LIN52: variants seen among roughly 807,000 people sequenced by gnomAD.
LIN52 encodes protein lin-52 homolog.
In LIN52, 4 loss-of-function variants were observed where a neutral mutation model predicts 18.5. The observed-to-expected ratio is 0.22, with a 90% CI of 0.11 to 0.49. LIN52 has a LOEUF of 0.49. Ranked by LOEUF, LIN52 falls within the 20% of genes least tolerant of loss-of-function variation. The probability of loss-of-function intolerance (pLI) is 0.97; values close to 1 mark genes in which losing one functional copy is unlikely to be tolerated. For synonymous variants in LIN52, 34 were observed against 45.5 expected (o/e 0.75, Z 1.02); for missense variants, 102 against 139.5 (o/e 0.73, Z 1.35).
chr14:74,130,278 G>GTTTGTTTGTTTTTTTTTTTTTTTTTTTT (rs1555382571), intron 5 of LIN52, among the ~76,000 whole-genome samples: 5 of 64,824 alleles, frequency 7.7e-5, no homozygotes, highest in African/African-American at 3.1e-4. Flanking sequence ...GCATTTTTTG[G>GTTTGTTTGTTTTTTTTTTTTTTTTTTTT]TTTTTTTTTT....
intron 5 of LIN52, among the ~76,000 whole-genome samples, chr14:74,191,812 T>G (rs764834612): frequency 6.6e-6 from 1 of 152,032 alleles, no homozygotes; most frequent in Non-Finnish European, 1.5e-5. Context: ...TTTTTTTGTA[T>G]TTTTAGTAGA....
chr14:74,187,524 T>C lies in LIN52; in HGVS notation c.284-11398T>C, dbSNP rs577223181. Among the ~76,000 whole-genome samples, 13 of 152,358 alleles carry C rather than the reference T, an allele frequency of 8.5e-5. 3 individuals are homozygous for C. The Middle Eastern group carries it at 0.041, about 478-fold the overall frequency. On this transcript the variant is annotated intron_variant, in intron 5 of 5. Coordinates refer to ENST00000555028, the MANE Select transcript of LIN52 (RefSeq NM_001024674.3). ...GAGGAATATGCCTTTTTGTCCAAGC[T>C]AAATAAAACAACTTCATTATCCATT...
intron 3 of LIN52, among the ~76,000 whole-genome samples, chr14:74,097,193 T>C (rs1448830251): frequency 1.3e-5 from 2 of 152,240 alleles, no homozygotes; most frequent in Non-Finnish European, 2.9e-5. Flanking sequence ...GAATTTCAAG[T>C]AATTTCATTC....
At chr14:74,115,898 T>A (rs1180574987) in intron 5 of LIN52, among the ~76,000 whole-genome samples, 1 of 152,238 alleles carries the variant, frequency 6.6e-6, no homozygotes, top group Non-Finnish European at 1.5e-5. Flanking sequence ...TGTTTCATTC[T>A]CTTCTGATTT....
At chr14:74,188,466 G>C (rs1421817214) in intron 5 of LIN52, among the ~76,000 whole-genome samples, 1 of 151,818 alleles carries the variant, frequency 6.6e-6, no homozygotes. Flanking sequence ...CTATATTTCT[G>C]TGTGTTCCAC....
chr14:74,185,725 AC>A (rs1219957961), intron 5 of LIN52, among the ~76,000 whole-genome samples: 1 of 151,792 alleles, frequency 6.6e-6, no homozygotes, highest in Non-Finnish European at 1.5e-5. Context: ...TAACAACAAG[AC>A]CCCTGGATGC....
At chr14:74,163,317 CA>C (rs1447106584) in intron 5 of LIN52, among the ~76,000 whole-genome samples, 4 of 152,034 alleles carry the variant, frequency 2.6e-5, no homozygotes, top group Non-Finnish European at 1.5e-5. Flanking sequence ...TTACCTCAAG[CA>C]ATCCATCCAC....
At chr14:74,085,071 T>C in intron 1 of LIN52, 78 bp downstream of exon 1, 2 of 1,215,000 alleles carry the variant, frequency 1.6e-6, no homozygotes, top group Admixed American at 6.1e-5. Flanking sequence ...TCTCTGCCCC[T>C]CGAACATACA....
rs190255958 is a variant in LIN52, at chr14:74,110,610, C to T, written c.283+9372C>T. Among the ~76,000 whole-genome samples, 900 of 151,790 alleles carry T rather than the reference C, an allele frequency of 5.9e-3. 8 individuals carry two copies. The highest frequency in any genetic ancestry group is 0.021 in the African/African-American group (855 of 41,362). ...GCTTGAACCTGGGAGGCAGAGGTTG[C>T]AGTGAGCCGAGATTATGCCACTGCA... On this transcript the variant is annotated intron_variant, in intron 5 of 5. Transcript: ENST00000555028.
intron 5 of LIN52, among the ~76,000 whole-genome samples, chr14:74,126,152 T>TCC (rs2061029026): frequency 6.6e-6 from 1 of 151,652 alleles, no homozygotes; most frequent in Non-Finnish European, 1.5e-5. Flanking sequence ...GTTAGGGAAA[T>TCC]CCAAATCAAA....
chr14:74,136,640 G>T (rs1031099324), intron 5 of LIN52, among the ~76,000 whole-genome samples: 2 of 152,218 alleles, frequency 1.3e-5, no homozygotes, highest in Non-Finnish European at 2.9e-5. Context: ...AAAAAGAAAA[G>T]AACAATACAA....
chr14:74,150,334 T>C (rs963697079), intron 5 of LIN52, among the ~76,000 whole-genome samples: 4 of 152,220 alleles, frequency 2.6e-5, no homozygotes, highest in Non-Finnish European at 2.9e-5. Context: ...AGTAGAATAC[T>C]GTATAGCCAT....
At chr14:74,196,417 T>C (rs2078912506) in intron 5 of LIN52, among the ~76,000 whole-genome samples, 1 of 152,192 alleles carries the variant, frequency 6.6e-6, no homozygotes, top group Non-Finnish European at 1.5e-5. Flanking sequence ...GTTAGAGCAA[T>C]GCAGTGCTCC....
intron 5 of LIN52, among the ~76,000 whole-genome samples, chr14:74,190,460 C>T (rs1416744983): frequency 1.5e-5 from 2 of 136,810 alleles, no homozygotes; most frequent in African/African-American, 5.4e-5. Context: ...GGTGCGATCT[C>T]AGCTCACTGC....
chr14:74,132,804 G>A (rs1485049590), intron 5 of LIN52, among the ~76,000 whole-genome samples: 1 of 152,154 alleles, frequency 6.6e-6, no homozygotes, highest in African/African-American at 2.4e-5. Flanking sequence ...ACCGCGCCCA[G>A]CCATGACCTA....
intron 5 of LIN52, among the ~76,000 whole-genome samples, chr14:74,101,620 G>A (rs1310311948): frequency 6.6e-6 from 1 of 151,872 alleles, no homozygotes; most frequent in South Asian, 2.1e-4. Context: ...CACTACGCCC[G>A]GCTGATTTTT....
At chr14:74,095,149 GTTTTT>G (rs35455851) in intron 2 of LIN52, among the ~76,000 whole-genome samples, 1 of 103,740 alleles carries the variant, frequency 9.6e-6, no homozygotes. Context: ...CCAACTAACT[GTTTTT>G]TTTTTTTTTT....
At chr14:74,144,780 A>G (rs1281621738) in intron 5 of LIN52, among the ~76,000 whole-genome samples, 2 of 152,252 alleles carry the variant, frequency 1.3e-5, no homozygotes, top group Non-Finnish European at 1.5e-5. Flanking sequence ...TTATTCTATA[A>G]TTAGAAGTAA....
Position 74,199,265 on chromosome 14 carries a change from A to C in LIN52, c.*288A>C, listed in dbSNP as rs1341991107. 1 of 286,820 alleles carries C rather than the reference A, an allele frequency of 3.5e-6. No individual in the cohort carries two copies. The highest frequency in any genetic ancestry group is 2.2e-5 in the African/African-American group (1 of 45,790). The allele number at this position is 286,820 out of a possible 1,614,324, so 17.8% of individuals were successfully genotyped here. The stretch of plus-strand genomic sequence containing the variant: ...AGGGCATATCATTCTTAAAGGTCGA[A>C]GTCCTGCTTTCTCATTTCTGGAAGT... On this transcript the variant is annotated 3_prime_UTR_variant, in exon 6 of 6. Transcript: ENST00000555028.
Sources: allele counts gnomAD v4.1 joint callset (sites outside exome capture counted in the v4.1 genomes callset), GRCh38; gene constraint gnomAD v4.1.1; transcripts MANE v1.5; gene names NCBI Gene and HGNC (gene_info 2026-07-23, HGNC 2026-07-21).